Variants in MSH4 observed in about 807,000 individuals in gnomAD.
MSH4 encodes mutS protein homolog 4.
Under a neutral mutation model 113.7 loss-of-function variants are expected in MSH4, and 106 were observed. That is an observed-to-expected ratio of 0.93 (90% confidence interval 0.80 to 1.10). The LOEUF is 1.10. Ranked by LOEUF, MSH4 falls within the 50% of genes least tolerant of loss-of-function variation. MSH4 has a pLI of 0.00. For missense variants in MSH4, 1,061 were observed against 1,093.7 expected (o/e 0.97, Z 0.42); for synonymous variants, 368 against 380.2 (o/e 0.97, Z 0.37).
Position 75,796,908 on chromosome 1 carries a change from G to T in MSH4, c.-78G>T. 16 of 1,585,922 alleles carry T rather than the reference G, an allele frequency of 1.0e-5. No homozygotes were observed. The highest frequency in any genetic ancestry group is 1.4e-5 in the Non-Finnish European group (16 of 1,164,052). ...CGCAGTTCTCCCGCCCGTTTCAGCG[G>T]CGCAGCTTCTGTAGTTGGGCTACTG... On this transcript the variant is annotated 5_prime_UTR_variant, in exon 1 of 20. Transcript: ENST00000263187.
At position 75,880,900 on chromosome 1, in the gene MSH4, T is replaced by C. The variant is rs1651917237; in HGVS notation, c.1782-346T>C. On this transcript the variant is annotated intron_variant, in intron 13 of 19. Transcript: ENST00000263187. Reference sequence around the variant, plus strand: ...GCAAATTCACAAAGTGATTAGCAAATGGGATCTTTCCAAGTATAATGAGGG... The same window carrying C: ...GCAAATTCACAAAGTGATTAGCAAACGGGATCTTTCCAAGTATAATGAGGG... 2.6e-5 allele frequency among the ~76,000 whole-genome samples: 4 copies of C among 152,094 alleles called. No homozygotes were observed. The South Asian group carries it at 8.3e-4, about 32-fold the overall frequency.
intron 8 of MSH4, among the ~76,000 whole-genome samples, chr1:75,861,468 G>T (rs1352612149): frequency 1.3e-5 from 2 of 152,122 alleles, no homozygotes; most frequent in Admixed American, 1.3e-4. Flanking sequence ...CCTTTTTGTT[G>T]ATTTTGATGC....
In MSH4 at chr1:75,803,744, A is replaced by T; in HGVS notation, c.258A>T (p.Gly86=). 1.3e-6 allele frequency: 2 copies of T among 1,575,066 alleles called. No homozygotes were observed. Among genetic ancestry groups the T allele is most frequent in the African/African-American group, 1.4e-5 (1 of 72,712 alleles). The part of the protein sequence containing the change: ...NSRPAQGSYF[G]NKRAYAENTV... ...TTTCAAATTTAGGTTCATACTTTGG[A>T]AACAAAAGAGCTTATGCAGAAAACA... is the stretch of plus-strand genomic sequence containing the variant. Residue 86 remains glycine, a synonymous_variant, in exon 2 of 20, where the codon GGA becomes GGT. Transcript: ENST00000263187.
chr1:75,826,661 T>A (rs1650561420), intron 7 of MSH4, among the ~76,000 whole-genome samples: 1 of 152,208 alleles, frequency 6.6e-6, no homozygotes, highest in Non-Finnish European at 1.5e-5. Context: ...GTACATTGTC[T>A]CTTTGTTTTC....
chr1:75,852,092 A>T (rs948482021), intron 8 of MSH4, among the ~76,000 whole-genome samples: 16 of 152,234 alleles, frequency 1.1e-4, no homozygotes, highest in South Asian at 4.1e-4. Flanking sequence ...GTCTCTACAG[A>T]TTTGCCTATC....
chr1:75,878,357 AAC>A (rs1377330729), intron 11 of MSH4, 39 bp downstream of exon 11: 17 of 1,502,094 alleles, frequency 1.1e-5, no homozygotes, highest in Non-Finnish European at 1.5e-5. Context: ...GTAGGGATAA[AAC>A]AGCCTTTTCA....
intron 17 of MSH4, among the ~76,000 whole-genome samples, chr1:75,896,659 G>T (rs1652391782): frequency 6.6e-6 from 1 of 151,716 alleles, no homozygotes; most frequent in Non-Finnish European, 1.5e-5. Context: ...ATGTAATATT[G>T]CTACTTATTT....
intron 8 of MSH4, among the ~76,000 whole-genome samples, chr1:75,857,400 C>A (rs1377770973): frequency 6.6e-6 from 1 of 152,100 alleles, no homozygotes; most frequent in Non-Finnish European, 1.5e-5. Flanking sequence ...AGGTTTTCTT[C>A]TAGGGTTTTT....
At chr1:75,819,785 A>G (rs1309504676) in intron 6 of MSH4, among the ~76,000 whole-genome samples, 1 of 152,174 alleles carries the variant, frequency 6.6e-6, no homozygotes, top group Non-Finnish European at 1.5e-5. Context: ...ATCTCGGCTC[A>G]CTGCAACCTC....
In MSH4 at chr1:75,867,608, C is replaced by A; in HGVS notation, c.1305+20C>A. ...TTAAAGGTAATTTATGTGTGTGTAT[C>A]GTACAAAACATGTCCAGCATTATTT... On this transcript the variant is annotated intron_variant, in intron 9 of 19. Transcript: ENST00000263187. 1.4e-6 allele frequency: 2 copies of A among 1,423,564 alleles called. No individual in the cohort carries two copies. Among genetic ancestry groups the A allele is most frequent in the Admixed American group, 2.3e-5 (1 of 43,584 alleles). 88.2% of individuals were successfully genotyped at this position (1,423,564 alleles called of 1,614,324 possible).
At chr1:75,884,058 T>C (rs956560659) in intron 15 of MSH4, among the ~76,000 whole-genome samples, 1 of 152,154 alleles carries the variant, frequency 6.6e-6, no homozygotes, top group South Asian at 2.1e-4. Flanking sequence ...TACTACAGAA[T>C]TGGGAACATT....
intron 3 of MSH4, among the ~76,000 whole-genome samples, chr1:75,808,655 A>G (rs1364951580): frequency 6.6e-6 from 1 of 152,168 alleles, no homozygotes; most frequent in Non-Finnish European, 1.5e-5. Context: ...TGTGTCTTTC[A>G]GGATTATGGC....
chr1:75,809,146 G>T (rs2100508299), intron 3 of MSH4, among the ~76,000 whole-genome samples: 1 of 152,100 alleles, frequency 6.6e-6, no homozygotes. Context: ...GAGTGATCCT[G>T]CCCCCTCAGA....
chr1:75,826,682 A>G (rs1288342417), intron 7 of MSH4, among the ~76,000 whole-genome samples: 1 of 152,106 alleles, frequency 6.6e-6, no homozygotes, highest in Non-Finnish European at 1.5e-5. Context: ...ATTGGTTTCA[A>G]AGTACTTCTT....
At chr1:75,832,629 A>G (rs896727885) in intron 7 of MSH4, among the ~76,000 whole-genome samples, 3 of 152,192 alleles carry the variant, frequency 2.0e-5, no homozygotes, top group African/African-American at 7.2e-5. Flanking sequence ...GGGTGGTTCA[A>G]CATACTTTGA....
chr1:75,796,935 A>G lies in MSH4; in HGVS notation c.-51A>G, dbSNP rs760445219. The G allele has an allele frequency of 6.2e-7, 1 of 1,606,118 alleles. No homozygotes were observed. Among genetic ancestry groups the G allele is most frequent in the East Asian group, 2.2e-5 (1 of 44,736 alleles). On this transcript the variant is annotated 5_prime_UTR_variant, in exon 1 of 20. Transcript: ENST00000263187. ...GCAGCTTCTGTAGTTGGGCTACTGG[A>G]GGGGTCGCTCAGAAACCTCATACTT...
intron 4 of MSH4, among the ~76,000 whole-genome samples, chr1:75,814,270 T>A (rs1005076499): frequency 7.8e-6 from 1 of 127,846 alleles, no homozygotes; most frequent in Non-Finnish European, 1.6e-5. Context: ...CTGGGCAGCA[T>A]AGTGAGAACT....
rs372928044 is a variant in MSH4, at chr1:75,827,134, G to A, written c.1162+4553G>A. On this transcript the variant is annotated intron_variant, in intron 7 of 19. Transcript: ENST00000263187. ...AAGGGAAGCCCATGAGACTAACAGC[G>A]GATCTCTGTGCAGAAACCCTACAAG... Among the ~76,000 whole-genome samples, 64 of 152,234 alleles carry A rather than the reference G, an allele frequency of 4.2e-4. 1 individual carries two copies. The highest frequency in any genetic ancestry group is 1.5e-3 in the African/African-American group (61 of 41,558).
intron 7 of MSH4, among the ~76,000 whole-genome samples, chr1:75,845,434 AT>A (rs1452112214): frequency 2.0e-5 from 3 of 152,228 alleles, no homozygotes; most frequent in Non-Finnish European, 4.4e-5. Context: ...AAACATTCCC[AT>A]TACAAAAGGG....
Sources: allele counts gnomAD v4.1 joint callset (sites outside exome capture counted in the v4.1 genomes callset), GRCh38; gene constraint gnomAD v4.1.1; transcripts MANE v1.5; gene names NCBI Gene and HGNC (gene_info 2026-07-23, HGNC 2026-07-21).